The following UPP2 variants were observed in gnomAD, a reference collection of about 807,000 sequenced individuals.
UPP2 encodes the protein UPase 2.
A neutral mutation model predicts 26.7 loss-of-function variants in UPP2; 23 were observed. The observed-to-expected ratio is 0.86, with a 90% CI of 0.62 to 1.22. The LOEUF is 1.22. UPP2 is among the 50% of genes most tolerant of loss of function. The pLI, the probability that UPP2 is intolerant of heterozygous loss-of-function variation, is 0.00. For synonymous variants in UPP2, 127 were observed against 141.3 expected (o/e 0.90, Z 0.72); for missense variants, 387 against 396.7 (o/e 0.98, Z 0.21).
chr2:158,051,157 ATGTGTGTGTGTGTGTGTG>A (rs57745839), intron 3 of UPP2, among the ~76,000 whole-genome samples: 9 of 144,984 alleles, frequency 6.2e-5, no homozygotes, highest in Non-Finnish European at 1.0e-4. Flanking sequence ...CTCTAGGAAT[ATGTGTGTGTGTGTGTGTG>A]TGTGTGTGTG....
In UPP2 at chr2:158,121,511, C is replaced by A; in HGVS notation, c.557C>A (p.Thr186Asn). The stretch of plus-strand genomic sequence containing the variant: ...TTGGACAACATTGTCACCCGAAGTA[C>A]TGAACTGGACAAAGAACTGTCTGAA... ...VILDNIVTRS[T>N]ELDKELSEEL... Residue 186 changes from threonine (T) to asparagine (N), a missense_variant, in exon 5 of 7, where the codon ACT becomes AAT. Transcript: ENST00000005756. 1 of 1,613,450 alleles carries A rather than the reference C, an allele frequency of 6.2e-7. No homozygotes were observed. The highest frequency in any genetic ancestry group is 1.1e-5 in the South Asian group (1 of 91,072).
chr2:158,007,289 G>C (rs1452387538), intron 2 of UPP2, among the ~76,000 whole-genome samples: 1 of 152,202 alleles, frequency 6.6e-6, no homozygotes, highest in Non-Finnish European at 1.5e-5. Context: ...TCCTTTCCCA[G>C]AGGTGACACA....
upstream of UPP2, among the ~76,000 whole-genome samples, chr2:158,097,392 T>G (rs115114279): frequency 0.057 from 8,677 of 151,988 alleles, 786 homozygotes; most frequent in African/African-American, 0.19. Context: ...TATATATATA[T>G]ATAGAGAGAG....
intron 2 of UPP2, among the ~76,000 whole-genome samples, chr2:158,111,349 T>C (rs1269151080): frequency 6.6e-6 from 1 of 152,204 alleles, no homozygotes; most frequent in East Asian, 1.9e-4. Flanking sequence ...AATATCCCTC[T>C]GTCTCTGGTA....
At chr2:158,036,404 C>T (rs1265522627) in intron 3 of UPP2, among the ~76,000 whole-genome samples, 1 of 152,164 alleles carries the variant, frequency 6.6e-6, no homozygotes, top group East Asian at 1.9e-4. Flanking sequence ...CAGCACAGTT[C>T]CTGTGGAGTC....
chr2:158,004,408 A>G (rs1683457649), intron 2 of UPP2, among the ~76,000 whole-genome samples: 1 of 152,118 alleles, frequency 6.6e-6, no homozygotes, highest in Admixed American at 6.5e-5. Flanking sequence ...AAAAAAATCC[A>G]ACACCTAATC....
intron 6 of UPP2, among the ~76,000 whole-genome samples, chr2:158,129,759 GTTTT>G (rs145206707): frequency 6.8e-6 from 1 of 147,774 alleles, no homozygotes; most frequent in African/African-American, 2.5e-5. Context: ...AGATAGGAAG[GTTTT>G]TTTTTGTTTG....
At chr2:158,124,905 T>C (rs1403848178) in intron 6 of UPP2, among the ~76,000 whole-genome samples, 1 of 152,186 alleles carries the variant, frequency 6.6e-6, no homozygotes, top group African/African-American at 2.4e-5. Context: ...TTTATGAATC[T>C]GGAGTTTAGG....
intron 3 of UPP2, among the ~76,000 whole-genome samples, chr2:158,088,236 C>T (rs540522297): frequency 6.6e-5 from 10 of 152,224 alleles, no homozygotes; most frequent in Admixed American, 3.3e-4. Flanking sequence ...GCCTTGTCTT[C>T]GAGCTCTGAA....
chr2:158,047,942 G>A lies in UPP2; in HGVS notation c.147+32056G>A, dbSNP rs573325331. 3.9e-5 allele frequency among the ~76,000 whole-genome samples: 6 copies of A among 152,174 alleles called. No homozygotes were observed. In the South Asian group the frequency reaches 1.0e-3, roughly 26 times the overall value. On this transcript the variant is annotated intron_variant, in intron 3 of 9. Transcript: ENST00000605860. ...GTTTGTTTGTGGGATTTTTGCTCCCGTCACAGCTCAAAATCTGAGGAGAGA... is the reference window on the plus strand; with the variant it reads ...GTTTGTTTGTGGGATTTTTGCTCCCATCACAGCTCAAAATCTGAGGAGAGA...
chr2:158,117,329 C>T (rs1433310383), intron 3 of UPP2, among the ~76,000 whole-genome samples: 1 of 152,016 alleles, frequency 6.6e-6, no homozygotes, highest in African/African-American at 2.4e-5. Context: ...ATCTAACCCA[C>T]GTTTCTACTC....
intron 3 of UPP2, among the ~76,000 whole-genome samples, chr2:158,093,877 A>T (rs1682948182): frequency 6.6e-6 from 1 of 151,768 alleles, no homozygotes; most frequent in Admixed American, 6.6e-5. Context: ...ATGTGCATAC[A>T]CAAGAAGATA....
At chr2:158,026,649 T>G (rs985968199) in intron 3 of UPP2, among the ~76,000 whole-genome samples, 1 of 152,150 alleles carries the variant, frequency 6.6e-6, no homozygotes, top group Non-Finnish European at 1.5e-5. Context: ...TTCCCAAAGT[T>G]GGCCACACAG....
chr2:158,075,546 T>C (rs1030176341), intron 3 of UPP2, among the ~76,000 whole-genome samples: 1 of 151,940 alleles, frequency 6.6e-6, no homozygotes, highest in African/African-American at 2.4e-5. Flanking sequence ...TTTTGACAAC[T>C]GCACAAATAC....
chr2:158,055,869 A>T (rs1682238288), intron 3 of UPP2, among the ~76,000 whole-genome samples: 1 of 152,162 alleles, frequency 6.6e-6, no homozygotes, highest in Non-Finnish European at 1.5e-5. Context: ...TCTATGTGTG[A>T]TGATGTTTCT....
At chr2:158,031,564 C>G (rs1384788258) in intron 3 of UPP2, among the ~76,000 whole-genome samples, 1 of 152,218 alleles carries the variant, frequency 6.6e-6, no homozygotes, top group Non-Finnish European at 1.5e-5. Context: ...TCCAGGACCG[C>G]TGAGGTTCCG....
chr2:157,995,347 T>C lies in UPP2; in HGVS notation c.61+88T>C, dbSNP rs1683308692. The C allele has an allele frequency of 2.1e-6, 3 of 1,431,820 alleles. No individual in the cohort carries two copies. The Admixed American group carries it at 5.5e-5, about 26-fold the overall frequency. The allele number at this position is 1,431,820 out of a possible 1,614,324, so 88.7% of individuals were successfully genotyped here. A position where few individuals can be genotyped will look rare whatever the true frequency, so the allele number is the denominator to read the frequency against. ...GTCTCAGTACAAATTAATTTTGAATTATGTGGTTGATGTTTTCCACATTTC... is the reference window on the plus strand; with the variant it reads ...GTCTCAGTACAAATTAATTTTGAATCATGTGGTTGATGTTTTCCACATTTC... On this transcript the variant is annotated intron_variant, in intron 2 of 9. Transcript: ENST00000605860.
chr2:158,003,234 G>C (rs1228631761), intron 2 of UPP2, among the ~76,000 whole-genome samples: 2 of 152,124 alleles, frequency 1.3e-5, no homozygotes, highest in Non-Finnish European at 2.9e-5. Flanking sequence ...GGGGCACAAG[G>C]TCTTGGAGGT....
At chr2:158,015,873 C>T (rs1454499913) in exon 3 of UPP2, 2 of 451,608 alleles carry the variant, frequency 4.4e-6, no homozygotes, top group South Asian at 1.6e-5. Context: ...GCTTCCTGTA[C>T]AGCCTGTGGA....
Sources: gnomAD v4.1 joint callset for allele counts (sites outside exome capture counted in the v4.1 genomes callset) on GRCh38, gnomAD v4.1.1 for gene constraint, MANE v1.5 for transcripts, NCBI Gene and HGNC (gene_info 2026-07-23, HGNC 2026-07-21) for gene names.